The following RAP1A variants were observed in gnomAD, a reference collection of about 807,000 sequenced individuals.
RAP1A encodes the protein RAP1A, member of RAS oncogene family, also known as ras-related protein Rap-1A.
A neutral mutation model predicts 26.4 loss-of-function variants in RAP1A; 6 were observed. That is an observed-to-expected ratio of 0.23 (90% CI 0.12 to 0.45). The LOEUF is 0.45. RAP1A is among the 20% of genes least tolerant of loss of function. The pLI is 0.99. For synonymous variants in RAP1A, 73 were observed against 79.4 expected, an observed-to-expected ratio of 0.92 and a Z score of 0.43; for missense variants, 121 against 217.2, an observed-to-expected ratio of 0.56 and a Z score of 2.78.
chr1:111,685,769 A>T (rs1218355048), intron 1 of RAP1A, among the ~76,000 whole-genome samples: 1 of 152,250 alleles, frequency 6.6e-6, no homozygotes. Context: ...CAATCCCATT[A>T]CTGGGTATAT....
At chr1:111,604,908 T>C (rs1029551689) in intron 1 of RAP1A, among the ~76,000 whole-genome samples, 1 of 152,234 alleles carries the variant, frequency 6.6e-6, no homozygotes, top group East Asian at 1.9e-4. Flanking sequence ...CTGGGTTCCC[T>C]GATGTTAGAT....
At chr1:111,613,863 G>C (rs1023746803) in intron 1 of RAP1A, among the ~76,000 whole-genome samples, 2 of 152,210 alleles carry the variant, frequency 1.3e-5, no homozygotes, top group Non-Finnish European at 1.5e-5. Flanking sequence ...CACTAATATA[G>C]ATAACATCGG....
At chr1:111,704,306 A>T in intron 5 of RAP1A, 37 bp from the exon 6 acceptor site, 1 of 1,604,238 alleles carries the variant, frequency 6.2e-7, no homozygotes, top group East Asian at 2.2e-5. Flanking sequence ...AGTAATGAGT[A>T]TGTTATTGTT....
chr1:111,635,529 C>G (rs764257937), intron 1 of RAP1A, among the ~76,000 whole-genome samples: 2 of 152,120 alleles, frequency 1.3e-5, no homozygotes, highest in African/African-American at 4.8e-5. Flanking sequence ...GCTGTTATTA[C>G]CCCAAAGTTG....
chr1:111,664,395 A>C (rs113205541), intron 1 of RAP1A, among the ~76,000 whole-genome samples: 17,443 of 144,716 alleles, frequency 0.12, 1,389 homozygotes, highest in South Asian at 0.17. Context: ...AAAAAAAAAA[A>C]AAACAAAAAA....
chr1:111,578,918 GA>G (rs1658196349), intron 1 of RAP1A, among the ~76,000 whole-genome samples: 1 of 152,194 alleles, frequency 6.6e-6, no homozygotes, highest in African/African-American at 2.4e-5. Context: ...ATGGCTCATG[GA>G]ATTCAGGGAA....
chr1:111,667,447 G>A (rs546323688), intron 1 of RAP1A, among the ~76,000 whole-genome samples: 1 of 152,132 alleles, frequency 6.6e-6, no homozygotes, highest in Non-Finnish European at 1.5e-5. Context: ...CACTTTGGGA[G>A]GCCGAGGCGG....
chr1:111,703,348 G>A lies in RAP1A; in HGVS notation c.196G>A (p.Ala66Thr). ...LDTAGTEQFT[A>T]MRDLYMKNGQ... ...TTTTAAATCATAGGAGCAATTTACA[G>A]CAATGAGGGATTTGTATATGAAGAA... The change falls in exon 5 of 8, where the codon GCA becomes ACA. Residue 66 changes from alanine to threonine, a missense_variant. Coordinates refer to ENST00000369709, the MANE Select transcript of RAP1A (RefSeq NM_002884.4). The A allele has an allele frequency of 6.4e-7, 1 of 1,567,468 alleles. No homozygotes were observed. Among genetic ancestry groups the A allele is most frequent in the Non-Finnish European group, 8.7e-7 (1 of 1,153,376 alleles).
chr1:111,637,301 A>C (rs775157596), intron 1 of RAP1A, among the ~76,000 whole-genome samples: 2 of 152,218 alleles, frequency 1.3e-5, no homozygotes, highest in Non-Finnish European at 2.9e-5. Context: ...AACTCAAGTA[A>C]TACCAAGTTC....
intron 1 of RAP1A, among the ~76,000 whole-genome samples, chr1:111,660,392 AT>A (rs1660594818): frequency 6.7e-6 from 1 of 149,758 alleles, no homozygotes; most frequent in Admixed American, 6.6e-5. Context: ...ATGTTTTGGC[AT>A]TTATCTTGGT....
intron 1 of RAP1A, among the ~76,000 whole-genome samples, chr1:111,682,059 A>G (rs944066586): frequency 6.6e-6 from 1 of 152,222 alleles, no homozygotes; most frequent in African/African-American, 2.4e-5. Flanking sequence ...CTTAAAACAT[A>G]ATTTTCAACC....
At chr1:111,599,990 C>G (rs1320106896) in intron 1 of RAP1A, 1 of 152,576 alleles carries the variant, frequency 6.6e-6, no homozygotes, top group Non-Finnish European at 1.5e-5. Context: ...CTTGCTCCCT[C>G]TCTTGCCATG....
chr1:111,558,983 C>T (rs1657625619), intron 1 of RAP1A, among the ~76,000 whole-genome samples: 1 of 152,086 alleles, frequency 6.6e-6, no homozygotes, highest in Non-Finnish European at 1.5e-5. Flanking sequence ...TATATTCTAA[C>T]ATATTAAAAA....
At chr1:111,672,095 G>T (rs1660993474) in intron 1 of RAP1A, among the ~76,000 whole-genome samples, 3 of 145,086 alleles carry the variant, frequency 2.1e-5, no homozygotes, top group Admixed American at 1.4e-4. Flanking sequence ...TGTTCTATAT[G>T]TCTCTTAAGT....
chr1:111,668,362 G>A (rs1660864355), intron 1 of RAP1A, among the ~76,000 whole-genome samples: 1 of 152,122 alleles, frequency 6.6e-6, no homozygotes, highest in Non-Finnish European at 1.5e-5. Flanking sequence ...TTATTAGACA[G>A]GAATTTAAAA....
At chr1:111,628,589 TGTAGA>T (rs796798241) in intron 1 of RAP1A, among the ~76,000 whole-genome samples, 66 of 152,284 alleles carry the variant, frequency 4.3e-4, no homozygotes, top group African/African-American at 1.5e-3. Context: ...TGAATTCGCT[TGTAGA>T]GTAAAGAATG....
At chr1:111,663,830 A>G (rs1294199581) in intron 1 of RAP1A, among the ~76,000 whole-genome samples, 1 of 152,144 alleles carries the variant, frequency 6.6e-6, no homozygotes, top group Non-Finnish European at 1.5e-5. Flanking sequence ...AGGGAAGATA[A>G]TGTCTGCCTT....
intron 1 of RAP1A, among the ~76,000 whole-genome samples, chr1:111,679,343 A>G (rs1395827216): frequency 6.6e-6 from 1 of 152,208 alleles, no homozygotes; most frequent in South Asian, 2.1e-4. Flanking sequence ...GCCATGAGGA[A>G]CGGTGCTATT....
intron 6 of RAP1A, among the ~76,000 whole-genome samples, chr1:111,705,229 A>T (rs986288430): frequency 6.6e-6 from 1 of 152,186 alleles, no homozygotes; most frequent in African/African-American, 2.4e-5. Flanking sequence ...TAAGCCTTTT[A>T]AAAAAATAAA....
Sources: gnomAD v4.1 joint callset for allele counts (sites outside exome capture counted in the v4.1 genomes callset) on GRCh38, gnomAD v4.1.1 for gene constraint, MANE v1.5 for transcripts, NCBI Gene and HGNC (gene_info 2026-07-23, HGNC 2026-07-21) for gene names.